The following APBA2 variants were observed in gnomAD, a reference collection of about 807,000 sequenced individuals.
APBA2 encodes the protein amyloid-beta A4 precursor protein-binding family A member 2.
Under a neutral mutation model 75.0 loss-of-function variants are expected in APBA2, and 30 were observed. That is an observed-to-expected ratio of 0.40 (90% confidence interval 0.30 to 0.54). APBA2 has a LOEUF of 0.54. APBA2 is among the 20% of genes least tolerant of loss of function. APBA2 has a pLI of 0.49. For missense variants in APBA2, 801 were observed against 1,016.1 expected (o/e 0.79, Z 2.88); for synonymous variants, 444 against 409.6 (o/e 1.08, Z -1.01).
intron 2 of APBA2, among the ~76,000 whole-genome samples, chr15:28,924,770 T>C (rs2034167472): frequency 6.6e-6 from 1 of 152,162 alleles, no homozygotes; most frequent in African/African-American, 2.4e-5. Context: ...CTTTTGTGTA[T>C]GTATTTAGGA....
At chr15:29,096,252 G>A (rs1056754077) in intron 8 of APBA2, among the ~76,000 whole-genome samples, 3 of 152,072 alleles carry the variant, frequency 2.0e-5, no homozygotes, top group Non-Finnish European at 4.4e-5. Context: ...CCGTACTGTC[G>A]ACACCCTCCC....
chr15:28,945,183 G>A (rs17748395), intron 2 of APBA2, among the ~76,000 whole-genome samples: 25,977 of 152,114 alleles, frequency 0.17, 3,113 homozygotes, highest in African/African-American at 0.34. Context: ...TCTGTTTGGC[G>A]CGGGGACGAC....
At position 29,117,424 on chromosome 15, in the gene APBA2, C is replaced by T. The variant is rs1291151436; in HGVS notation, c.*291C>T. ...CACAAGCCAGGGTGTGTCTCGGTAG[C>T]TGTGCGTGGTGTGGAGTGTGTGTCT... On this transcript the variant is annotated 3_prime_UTR_variant, in exon 15 of 15. Coordinates refer to ENST00000683413, the MANE Select transcript of APBA2 (RefSeq NM_001353788.2). The T allele has an allele frequency of 2.0e-6, 1 of 498,664 alleles. No individual in the cohort carries two copies. The highest frequency in any genetic ancestry group is 3.7e-6 in the Non-Finnish European group (1 of 272,952). 30.9% of individuals were successfully genotyped at this position (498,664 alleles called of 1,614,324 possible). A position where few individuals can be genotyped will look rare whatever the true frequency, so the allele number is the denominator to read the frequency against.
intron 2 of APBA2, among the ~76,000 whole-genome samples, chr15:28,964,687 C>T (rs1312421438): frequency 2.0e-5 from 3 of 151,996 alleles, no homozygotes; most frequent in African/African-American, 4.8e-5. Flanking sequence ...GGGGTTTCAC[C>T]ATGTTGGCCA....
chr15:28,995,269 G>C (rs1034092036), intron 2 of APBA2, among the ~76,000 whole-genome samples: 14 of 152,120 alleles, frequency 9.2e-5, no homozygotes, highest in African/African-American at 3.4e-4. Context: ...GAGAAGGTGG[G>C]CTGAGACCCT....
chr15:29,034,866 C>A (rs910241912), intron 3 of APBA2, among the ~76,000 whole-genome samples: 11 of 152,124 alleles, frequency 7.2e-5, no homozygotes, highest in African/African-American at 2.7e-4. Context: ...TGCTGCTGGC[C>A]CAGGGACCAC....
chr15:28,959,600 G>C (rs1009293320), intron 2 of APBA2, among the ~76,000 whole-genome samples: 1 of 152,204 alleles, frequency 6.6e-6, no homozygotes, highest in Admixed American at 6.5e-5. Flanking sequence ...GCCAGAACTG[G>C]AAGAAAATAC....
rs11853214 is a variant in APBA2 at position 28,983,702 on chromosome 15, G to A, written c.-94-12051G>A. ...AGTGGGTTGGAGAGACCTGGCCTGG[G>A]GTCAGCTCTGTGGGCAGATGGGCCC... is the stretch of plus-strand genomic sequence containing the variant. On this transcript the variant is annotated intron_variant, in intron 2 of 14. Coordinates refer to ENST00000683413, the MANE Select transcript of APBA2 (RefSeq NM_001353788.2). Among the ~76,000 whole-genome samples the A allele has an allele frequency of 5.6e-3, 855 of 152,306 alleles. 8 individuals are homozygous for A. The highest frequency in any genetic ancestry group is 0.02 in the African/African-American group (814 of 41,564).
At chr15:28,919,256 G>A (rs977014381) in intron 1 of APBA2, 3 of 152,406 alleles carry the variant, frequency 2.0e-5, no homozygotes, top group African/African-American at 4.8e-5. Context: ...TCAAGGGAAG[G>A]AGGCAGGATG....
chr15:29,030,127 C>T (rs2040414073), intron 3 of APBA2, among the ~76,000 whole-genome samples: 1 of 152,194 alleles, frequency 6.6e-6, no homozygotes, highest in African/African-American at 2.4e-5. Flanking sequence ...AATGTTGCTC[C>T]ATCACCCTCT....
chr15:28,913,961 C>A (rs2033553259), intron 1 of APBA2, among the ~76,000 whole-genome samples: 1 of 152,106 alleles, frequency 6.6e-6, no homozygotes, highest in Non-Finnish European at 1.5e-5. Flanking sequence ...TCACGCACAC[C>A]CCTCTAGGAA....
At chr15:28,933,076 T>C (rs2034647695) in intron 2 of APBA2, among the ~76,000 whole-genome samples, 1 of 152,122 alleles carries the variant, frequency 6.6e-6, no homozygotes, top group African/African-American at 2.4e-5. Flanking sequence ...ATTGTTTTAT[T>C]AGGAACCTGC....
intron 1 of APBA2, among the ~76,000 whole-genome samples, chr15:28,896,977 G>A (rs550859397): frequency 1.3e-5 from 2 of 152,182 alleles, no homozygotes; most frequent in East Asian, 1.9e-4. Flanking sequence ...GGTCCATTAC[G>A]GGTGTTCAAG....
chr15:29,065,117 G>A (rs2042322888), intron 4 of APBA2, among the ~76,000 whole-genome samples: 1 of 152,020 alleles, frequency 6.6e-6, no homozygotes, highest in African/African-American at 2.4e-5. Context: ...GAGAGCATTG[G>A]GTATGGGACC....
intron 2 of APBA2, among the ~76,000 whole-genome samples, chr15:28,958,120 T>G (rs974003811): frequency 8.5e-5 from 13 of 152,192 alleles, no homozygotes; most frequent in African/African-American, 2.2e-4. Context: ...TTTCTCAAAG[T>G]TAGATAAGAC....
chr15:28,974,643 G>A (rs1011906481), intron 2 of APBA2, among the ~76,000 whole-genome samples: 4 of 152,016 alleles, frequency 2.6e-5, no homozygotes, highest in African/African-American at 9.7e-5. Context: ...AAACCAAAAA[G>A]GCCCTTCAAT....
intron 6 of APBA2, among the ~76,000 whole-genome samples, chr15:29,091,021 G>T (rs890138336): frequency 2.6e-5 from 4 of 152,126 alleles, no homozygotes; most frequent in Non-Finnish European, 5.9e-5. Context: ...GGATAGATGG[G>T]TCCTGTTCCC....
intron 3 of APBA2, among the ~76,000 whole-genome samples, chr15:29,039,439 T>C (rs1033442751): frequency 1.3e-5 from 2 of 152,236 alleles, no homozygotes; most frequent in East Asian, 1.9e-4. Flanking sequence ...GATGGGACCA[T>C]GGACCCTTCA....
intron 1 of APBA2, among the ~76,000 whole-genome samples, chr15:28,893,592 C>T (rs1052602403): frequency 1.3e-5 from 2 of 152,146 alleles, no homozygotes; most frequent in Non-Finnish European, 2.9e-5. Flanking sequence ...AGTAGAAGTG[C>T]CTTTCTTTTG....
Sources: gnomAD v4.1 joint callset for allele counts (sites outside exome capture counted in the v4.1 genomes callset) on GRCh38, gnomAD v4.1.1 for gene constraint, MANE v1.5 for transcripts, NCBI Gene and HGNC (gene_info 2026-07-23, HGNC 2026-07-21) for gene names.